The following TECTA variants were observed in gnomAD, a reference collection of about 807,000 sequenced individuals.
TECTA encodes the protein tectorin alpha.
Under a neutral mutation model 216.8 loss-of-function variants are expected in TECTA, and 128 were observed. The observed-to-expected ratio is 0.59, with a 90% CI of 0.51 to 0.68. TECTA has a LOEUF of 0.68. Among genes scored for constraint, TECTA ranks in the 30% least tolerant of loss-of-function variants. The pLI is 0.00. For missense variants in TECTA, 2,551 were observed against 2,786.2 expected, an observed-to-expected ratio of 0.92 and a Z score of 1.90; for synonymous variants, 1,089 against 1,117.1, an observed-to-expected ratio of 0.97 and a Z score of 0.50.
intron 12 of TECTA, among the ~76,000 whole-genome samples, chr11:121,149,772 A>G (rs1946872137): frequency 6.6e-6 from 1 of 152,250 alleles, no homozygotes; most frequent in Non-Finnish European, 1.5e-5. Context: ...ATTCTTGACC[A>G]CGGTACAAAT....
rs1193700270 is a variant in TECTA, at chr11:121,186,049, TCA to T, written c.6000-1782_6000-1781del. On this transcript the variant is annotated intron_variant, in intron 20 of 23. Transcript: ENST00000392793. ...ATGAATGAGTAGGGAAAGCAGATGT[TCA>T]GTGCTTAATGAATGAGTAGGGAAAG... is the stretch of plus-strand genomic sequence containing the variant. 4.5e-4 allele frequency among the ~76,000 whole-genome samples: 47 copies of T among 105,092 alleles called. 5 individuals carry two copies. The highest frequency in any genetic ancestry group is 2.5e-3 in the African/African-American group (47 of 18,856). The allele number at this position is 105,092 out of a possible 152,430, so 68.9% of individuals were successfully genotyped here.
intron 14 of TECTA, among the ~76,000 whole-genome samples, chr11:121,159,543 A>G (rs1325557337): frequency 1.3e-5 from 2 of 152,258 alleles, no homozygotes; most frequent in Non-Finnish European, 2.9e-5. Context: ...GGCTAAGGAA[A>G]GAAAATGTTA....
chr11:121,141,205 A>G (rs956354174), intron 11 of TECTA, among the ~76,000 whole-genome samples: 2 of 152,196 alleles, frequency 1.3e-5, no homozygotes, highest in African/African-American at 4.8e-5. Flanking sequence ...TGCTTATTCA[A>G]TGATTTGCAT....
chr11:121,119,627 A>C (rs1946537593), intron 7 of TECTA, among the ~76,000 whole-genome samples: 1 of 152,256 alleles, frequency 6.6e-6, no homozygotes, highest in African/African-American at 2.4e-5. Context: ...ACCCAGTGCA[A>C]TCCTTAATCC....
chr11:121,107,028 A>G (rs1039627427), intron 3 of TECTA, among the ~76,000 whole-genome samples: 2 of 152,234 alleles, frequency 1.3e-5, no homozygotes, highest in Non-Finnish European at 2.9e-5. Flanking sequence ...GACACACGTG[A>G]GTCATCACCA....
intron 7 of TECTA, among the ~76,000 whole-genome samples, chr11:121,122,605 G>C (rs570086549): frequency 2.7e-5 from 4 of 147,676 alleles, no homozygotes; most frequent in African/African-American, 1.0e-4. Context: ...GGAGGCCAAG[G>C]AGGGCAGATT....
In TECTA at chr11:121,162,209, G is replaced by C. The variant is rs757870231; in HGVS notation, c.5111G>C (p.Cys1704Ser). Residue 1704 changes from cysteine to serine, a missense_variant, in exon 16 of 24, where the codon TGC becomes TCC. Coordinates refer to ENST00000392793, the MANE Select transcript of TECTA (RefSeq NM_005422.4). The part of the protein sequence containing the change: ...LTDMKGFFQP[C>S]YGLLDPLPFY... ...GACATGAAGGGCTTCTTCCAGCCCT[G>C]CTATGGGCTTCTCGATCCCCTCCCA... The C allele has an allele frequency of 1.2e-6, 2 of 1,614,030 alleles. No individual in the cohort carries two copies. The highest frequency in any genetic ancestry group is 3.3e-5 in the Admixed American group (2 of 60,008).
intron 12 of TECTA, among the ~76,000 whole-genome samples, chr11:121,148,408 AAT>A (rs1946860235): frequency 6.6e-6 from 1 of 152,120 alleles, no homozygotes; most frequent in African/African-American, 2.4e-5. Context: ...TAGGAGAAAA[AAT>A]ATATGTTTTA....
intron 7 of TECTA, among the ~76,000 whole-genome samples, chr11:121,124,582 A>G (rs185656156): frequency 1.5e-3 from 223 of 152,372 alleles, no homozygotes; most frequent in African/African-American, 4.9e-3. Context: ...ACTCACAGTT[A>G]AAGAGTATGC....
intron 16 of TECTA, among the ~76,000 whole-genome samples, chr11:121,164,411 CA>C (rs1233830717): frequency 6.6e-6 from 1 of 152,122 alleles, no homozygotes; most frequent in Non-Finnish European, 1.5e-5. Flanking sequence ...CTGTGATGAA[CA>C]GGAGGAATAT....
rs150927084 is a variant in TECTA, at chr11:121,125,629, G to A, written c.1531G>A (p.Asp511Asn). The A allele has an allele frequency of 2.4e-5, 38 of 1,612,534 alleles. No individual in the cohort carries two copies. In the African/African-American group the frequency reaches 2.7e-4, roughly 11 times the overall value. ...CTGCGTCGACAACTGCACCCAGTGC[G>A]ACGCTGCCACTGAAGCCCTCTACTT... ...SGCVDNCTQC[D>N]AATEALYFGS... Residue 511 changes from aspartate (D) to asparagine (N), a missense_variant, in exon 8 of 24, where the codon GAC (aspartate) becomes AAC (asparagine). This residue lies in a region of TECTA where 2,375 missense variants were observed against 2,563.9 expected (regional missense o/e 0.93). Transcript: ENST00000392793.
At chr11:121,120,662 G>C (rs1039763233) in intron 7 of TECTA, among the ~76,000 whole-genome samples, 1 of 152,210 alleles carries the variant, frequency 6.6e-6, no homozygotes, top group Non-Finnish European at 1.5e-5. Flanking sequence ...CCACTGAACT[G>C]TTCTCAAATA....
At chr11:121,185,496 A>C (rs1947275873) in intron 20 of TECTA, among the ~76,000 whole-genome samples, 2 of 89,734 alleles carry the variant, frequency 2.2e-5, no homozygotes, top group Non-Finnish European at 5.1e-5. Flanking sequence ...TTGAATGCTT[A>C]ATGAATGAGT....
intron 22 of TECTA, 102 bp from the exon 23 acceptor site, chr11:121,189,661 AC>A: frequency 1.0e-5 from 12 of 1,157,134 alleles, no homozygotes; most frequent in Non-Finnish European, 1.6e-5. Flanking sequence ...GGCGTGAGCC[AC>A]CGCGCCCAGC....
In TECTA at chr11:121,164,807, C is replaced by T. The variant is rs186335123; in HGVS notation, c.5273-466C>T. 3.1e-4 allele frequency among the ~76,000 whole-genome samples: 47 copies of T among 152,186 alleles called. 1 individual carries two copies. Among genetic ancestry groups the T allele is most frequent in the Admixed American group, 1.4e-3 (22 of 15,284 alleles). On this transcript the variant is annotated intron_variant, in intron 16 of 23. Transcript: ENST00000392793. ...GGCCCTAATATGTTCATTATTGGCA[C>T]GTATTTATTGTGCACAAACCATGAG...
At chr11:121,149,987 G>A (rs1256883696) in intron 12 of TECTA, among the ~76,000 whole-genome samples, 1 of 152,214 alleles carries the variant, frequency 6.6e-6, no homozygotes, top group Non-Finnish European at 1.5e-5. Context: ...TCTAGTTGGA[G>A]AAATAGACCC....
intron 15 of TECTA, among the ~76,000 whole-genome samples, chr11:121,160,919 A>G (rs1020566988): frequency 6.6e-6 from 1 of 152,206 alleles, no homozygotes; most frequent in African/African-American, 2.4e-5. Context: ...CAAGGTTATT[A>G]TCAGGCCCAC....
intron 11 of TECTA, among the ~76,000 whole-genome samples, chr11:121,142,200 T>A (rs1262354628): frequency 6.6e-6 from 1 of 152,196 alleles, no homozygotes; most frequent in Non-Finnish European, 1.5e-5. Flanking sequence ...AACTCTAATA[T>A]GTGGTCTTAT....
chr11:121,180,009 A>G (rs1156523696), intron 20 of TECTA, among the ~76,000 whole-genome samples: 8 of 141,304 alleles, frequency 5.7e-5, no homozygotes, highest in African/African-American at 2.1e-4. Context: ...ACCAGTCTGT[A>G]TCTTTTAAGT....
Sources: allele counts gnomAD v4.1 joint callset (sites outside exome capture counted in the v4.1 genomes callset), GRCh38; gene constraint gnomAD v4.1.1; regional missense constraint gnomAD v4.1.1; transcripts MANE v1.5; gene names NCBI Gene and HGNC (gene_info 2026-07-23, HGNC 2026-07-21).